Variants in FAIM observed in about 807,000 individuals in gnomAD.
FAIM encodes the protein fas apoptotic inhibitory molecule 1.
A neutral mutation model predicts 21.2 loss-of-function variants in FAIM; 14 were observed. The ratio of observed to expected loss-of-function variants is 0.66; its 90% CI spans 0.44 to 1.03. FAIM has a LOEUF of 1.03. Ranked by LOEUF, FAIM falls within the 50% of genes least tolerant of loss-of-function variation. The probability of loss-of-function intolerance (pLI) is 0.00; values close to 1 mark genes in which losing one functional copy is unlikely to be tolerated. For synonymous variants in FAIM, 86 were observed against 80.4 expected (o/e 1.07, Z -0.37); for missense variants, 222 against 247.1 (o/e 0.90, Z 0.68).
intron 4 of FAIM, among the ~76,000 whole-genome samples, chr3:138,624,920 C>A (rs2042924410): frequency 6.6e-6 from 1 of 152,162 alleles, no homozygotes; most frequent in African/African-American, 2.4e-5. Flanking sequence ...AATCCCAGCA[C>A]TTTGGGAGGC....
intron 2 of FAIM, 66 bp downstream of exon 2, chr3:138,619,836 TG>T (rs1169259360): frequency 2.1e-6 from 3 of 1,421,584 alleles, no homozygotes; most frequent in Non-Finnish European, 3.0e-6. Context: ...TTCAAAAGAG[TG>T]ATTTATCCAA....
intron 1 of FAIM, among the ~76,000 whole-genome samples, chr3:138,614,159 G>T (rs1031170889): frequency 9.8e-4 from 149 of 152,266 alleles, no homozygotes; most frequent in African/African-American, 3.6e-3. Flanking sequence ...TTTTCTTCAG[G>T]CTGGGCATGG....
intron 1 of FAIM, chr3:138,611,024 T>TG (rs1211644561): frequency 1.5e-5 from 24 of 1,613,270 alleles, no homozygotes; most frequent in Non-Finnish European, 1.9e-5. Context: ...ATCTCCGGAC[T>TG]CTGCCACTCT....
At chr3:138,629,231 A>G (rs1218981965) in intron 5 of FAIM, 75 bp downstream of exon 5, 12 of 1,225,496 alleles carry the variant, frequency 9.8e-6, no homozygotes, top group Middle Eastern at 1.9e-4. Flanking sequence ...TTTCCTAATT[A>G]TAGAGATCTT....
intron 1 of FAIM, among the ~76,000 whole-genome samples, chr3:138,616,698 T>C (rs575074978): frequency 6.6e-6 from 1 of 152,324 alleles, no homozygotes; most frequent in African/African-American, 2.4e-5. Context: ...TTATTAACCA[T>C]TTATAAAAAG....
chr3:138,615,508 A>G (rs1049430423), intron 1 of FAIM, among the ~76,000 whole-genome samples: 1 of 152,252 alleles, frequency 6.6e-6, no homozygotes, highest in Non-Finnish European at 1.5e-5. Flanking sequence ...GGGCCAAAGT[A>G]TCTTAAAGTC....
intron 4 of FAIM, among the ~76,000 whole-genome samples, chr3:138,625,556 G>A (rs1249135914): frequency 6.6e-6 from 1 of 151,988 alleles, no homozygotes; most frequent in African/African-American, 2.4e-5. Flanking sequence ...GAGTCTCCTG[G>A]TAAAATTCAC....
chr3:138,622,340 G>T lies in FAIM; in HGVS notation c.330G>T (p.Lys110Asn). 1.2e-6 allele frequency: 2 copies of T among 1,613,882 alleles called. No individual in the cohort carries two copies. Among genetic ancestry groups the T allele is most frequent in the South Asian group, 1.1e-5 (1 of 91,062 alleles). Residue 110 changes from lysine to asparagine, a missense_variant, in exon 4 of 6, where the codon AAG becomes AAT. By Grantham distance (94) the Lys-to-Asn change is moderately conservative. Transcript: ENST00000360570. ...TLEINGKSLKKYMEDRSKTTN... is the reference protein window; with the variant it reads ...TLEINGKSLKNYMEDRSKTTN... Reference sequence around the variant, plus strand: ...AAATTAATGGGAAAAGTCTCAAGAAGTATATGGAGGACAGATCAAAAACCA... The same window carrying T: ...AAATTAATGGGAAAAGTCTCAAGAATTATATGGAGGACAGATCAAAAACCA...
chr3:138,615,497 T>C (rs769887346), intron 1 of FAIM, among the ~76,000 whole-genome samples: 3 of 152,244 alleles, frequency 2.0e-5, no homozygotes, highest in African/African-American at 7.2e-5. Context: ...AATCAGCTGA[T>C]GGGCCAAAGT....
intron 5 of FAIM, 69 bp from the exon 6 acceptor site, chr3:138,632,861 T>C: frequency 2.1e-6 from 3 of 1,456,690 alleles, no homozygotes; most frequent in Non-Finnish European, 2.8e-6. Flanking sequence ...TACTTTTAGA[T>C]GGTGTGAATG....
chr3:138,612,909 G>C (rs762843719), intron 1 of FAIM, among the ~76,000 whole-genome samples: 4 of 151,832 alleles, frequency 2.6e-5, no homozygotes, highest in Non-Finnish European at 5.9e-5. Context: ...TTGTTGTTTT[G>C]ATTTGCATTT....
chr3:138,631,623 G>C (rs899887217), intron 5 of FAIM, among the ~76,000 whole-genome samples: 1 of 152,010 alleles, frequency 6.6e-6, no homozygotes, highest in Non-Finnish European at 1.5e-5. Context: ...AGTACTGTAC[G>C]TACCCACAAC....
chr3:138,626,335 A>C (rs963124110), intron 4 of FAIM, among the ~76,000 whole-genome samples: 1 of 152,210 alleles, frequency 6.6e-6, no homozygotes, highest in Non-Finnish European at 1.5e-5. Context: ...AGACACATTA[A>C]AAAGTCTTGC....
chr3:138,630,108 G>A (rs1383884430), intron 5 of FAIM: 1 of 152,198 alleles, frequency 6.6e-6, no homozygotes, highest in Non-Finnish European at 1.5e-5. Flanking sequence ...TGAACATCAG[G>A]GCTAGAGATA....
chr3:138,611,072 C>T (rs754840071), intron 1 of FAIM: 4 of 1,468,736 alleles, frequency 2.7e-6, no homozygotes, highest in Admixed American at 3.4e-5. Flanking sequence ...TACATAAGTA[C>T]CCAATAACTA....
At chr3:138,628,396 C>G (rs2042963209) in intron 4 of FAIM, among the ~76,000 whole-genome samples, 1 of 152,074 alleles carries the variant, frequency 6.6e-6, no homozygotes, top group South Asian at 2.1e-4. Flanking sequence ...GGGGAGTCAT[C>G]TGGTCAATAT....
chr3:138,632,411 A>G (rs2108361075), intron 5 of FAIM, among the ~76,000 whole-genome samples: 1 of 152,214 alleles, frequency 6.6e-6, no homozygotes. Flanking sequence ...ACATGTGGCC[A>G]GTGGCTACTG....
At chr3:138,616,962 C>T (rs2042831663) in intron 1 of FAIM, among the ~76,000 whole-genome samples, 1 of 152,068 alleles carries the variant, frequency 6.6e-6, no homozygotes, top group Non-Finnish European at 1.5e-5. Flanking sequence ...ATAATCCTCT[C>T]CTGTCATGTA....
intron 4 of FAIM, among the ~76,000 whole-genome samples, 175 bp from the exon 5 acceptor site, chr3:138,628,932 A>G (rs1241298087): frequency 6.6e-6 from 1 of 152,126 alleles, no homozygotes; most frequent in Non-Finnish European, 1.5e-5. Context: ...GCTTCTTCAA[A>G]TTTTAGGAGA....
Sources: gnomAD v4.1 joint callset for allele counts (sites outside exome capture counted in the v4.1 genomes callset) on GRCh38, gnomAD v4.1.1 for gene constraint, MANE v1.5 for transcripts, NCBI Gene and HGNC (gene_info 2026-07-23, HGNC 2026-07-21) for gene names.